The following ARHGAP22 variants were observed in gnomAD, a reference collection of about 807,000 sequenced individuals.
ARHGAP22 encodes rho GTPase-activating protein 22.
A neutral mutation model predicts 59.1 loss-of-function variants in ARHGAP22; 48 were observed. The observed-to-expected ratio is 0.81, with a 90% confidence interval of 0.64 to 1.03. The LOEUF (loss-of-function observed/expected upper bound fraction) is 1.03, where lower values mean the gene tolerates loss of function less well. ARHGAP22 is among the 50% of genes least tolerant of loss of function. ARHGAP22 has a pLI of 0.00. For synonymous variants in ARHGAP22, 445 were observed against 416.4 expected, an observed-to-expected ratio of 1.07 and a Z score of -0.84; for missense variants, 1,015 against 958.7, an observed-to-expected ratio of 1.06 and a Z score of -0.78.
intron 1 of ARHGAP22, among the ~76,000 whole-genome samples, chr10:48,585,315 A>G (rs577408209): frequency 6.6e-6 from 1 of 152,270 alleles, no homozygotes; most frequent in African/African-American, 2.4e-5. Flanking sequence ...TTTGATCACC[A>G]ATAAATGGTG....
intron 2 of ARHGAP22, among the ~76,000 whole-genome samples, chr10:48,571,569 GCCTCAGTTT>G (rs1003565936): frequency 2.8e-4 from 43 of 152,258 alleles, no homozygotes; most frequent in Admixed American, 2.4e-3. Flanking sequence ...ATCTCTTTGT[GCCTCAGTTT>G]CCTTATTGGG....
At chr10:48,540,602 G>A (rs1201394875) in intron 3 of ARHGAP22, among the ~76,000 whole-genome samples, 1 of 152,046 alleles carries the variant, frequency 6.6e-6, no homozygotes, top group Admixed American at 6.6e-5. Context: ...TATTTTTAGT[G>A]GGTAAAATCC....
chr10:48,468,216 C>A (rs1404265946), intron 4 of ARHGAP22, among the ~76,000 whole-genome samples: 2 of 152,156 alleles, frequency 1.3e-5, no homozygotes, highest in Non-Finnish European at 2.9e-5. Context: ...ATGTGGTTGG[C>A]TGAATAATGC....
At chr10:48,578,382 C>T (rs1244552405) in intron 2 of ARHGAP22, among the ~76,000 whole-genome samples, 1 of 152,080 alleles carries the variant, frequency 6.6e-6, no homozygotes, top group African/African-American at 2.4e-5. Context: ...TGTGCTTGTG[C>T]CTTTAAAAAC....
At chr10:48,475,504 C>T (rs2048630859) in intron 4 of ARHGAP22, among the ~76,000 whole-genome samples, 2 of 152,210 alleles carry the variant, frequency 1.3e-5, no homozygotes, top group African/African-American at 4.8e-5. Context: ...CAAATAGCTG[C>T]AGTTCCCGTA....
At chr10:48,496,343 TAACAACAGCAGCCTA>T (rs2050926101) in intron 3 of ARHGAP22, among the ~76,000 whole-genome samples, 1 of 152,102 alleles carries the variant, frequency 6.6e-6, no homozygotes. Flanking sequence ...TAACATTAAA[TAACAACAGCAGCCTA>T]CTATGCGCCA....
At chr10:48,503,611 T>C (rs2051766184) in intron 3 of ARHGAP22, among the ~76,000 whole-genome samples, 1 of 152,258 alleles carries the variant, frequency 6.6e-6, no homozygotes, top group Admixed American at 6.5e-5. Flanking sequence ...ATTATCCCGC[T>C]GTCCTTCCCT....
At chr10:48,502,046 C>T (rs1447746387) in intron 3 of ARHGAP22, among the ~76,000 whole-genome samples, 1 of 152,134 alleles carries the variant, frequency 6.6e-6, no homozygotes, top group Non-Finnish European at 1.5e-5. Context: ...GAGTCAGGAA[C>T]TTGTGTTTGG....
chr10:48,503,948 T>C (rs1197053092), intron 3 of ARHGAP22, among the ~76,000 whole-genome samples: 3 of 152,240 alleles, frequency 2.0e-5, no homozygotes, highest in African/African-American at 7.2e-5. Context: ...TTGAGAACGT[T>C]TTCCCCCAAC....
intron 4 of ARHGAP22, among the ~76,000 whole-genome samples, chr10:48,476,190 C>T (rs531258238): frequency 3.3e-4 from 50 of 152,308 alleles, no homozygotes; most frequent in African/African-American, 8.4e-4. Context: ...AGAACATTTG[C>T]GAGTCCATTG....
At chr10:48,524,536 G>T (rs1004495956) in intron 3 of ARHGAP22, among the ~76,000 whole-genome samples, 3 of 152,074 alleles carry the variant, frequency 2.0e-5, no homozygotes, top group Non-Finnish European at 4.4e-5. Flanking sequence ...GGCCACACCG[G>T]CCTGGCCTCC....
intron 3 of ARHGAP22, among the ~76,000 whole-genome samples, chr10:48,554,619 C>T (rs979420793): frequency 4.0e-5 from 6 of 149,222 alleles, no homozygotes; most frequent in Non-Finnish European, 8.9e-5. Flanking sequence ...TGAGGGTAGG[C>T]TAGAAATGTC....
chr10:48,556,288 A>ACTAACTCACG (rs1564875782), intron 2 of ARHGAP22, among the ~76,000 whole-genome samples: 2 of 152,054 alleles, frequency 1.3e-5, no homozygotes, highest in Non-Finnish European at 2.9e-5. Flanking sequence ...ACAATGGGAC[A>ACTAACTCACG]TGTCTCAGGA....
At chr10:48,564,217 A>G (rs2135420366) in intron 2 of ARHGAP22, among the ~76,000 whole-genome samples, 1 of 152,242 alleles carries the variant, frequency 6.6e-6, no homozygotes, top group East Asian at 1.9e-4. Flanking sequence ...GATGCATAAC[A>G]ATCCTCAATG....
At chr10:48,451,368 G>C (rs529659252) in intron 8 of ARHGAP22, 3 of 725,532 alleles carry the variant, frequency 4.1e-6, no homozygotes, top group Non-Finnish European at 7.4e-6. Flanking sequence ...GCACAGAGCC[G>C]CAAGCAGGGA....
intron 1 of ARHGAP22, among the ~76,000 whole-genome samples, chr10:48,619,451 G>A (rs761865375): frequency 6.6e-6 from 1 of 152,110 alleles, no homozygotes; most frequent in Non-Finnish European, 1.5e-5. Flanking sequence ...TAAACTCAAA[G>A]TGTTGGAAAC....
chr10:48,585,875 G>T (rs968566422), intron 1 of ARHGAP22, among the ~76,000 whole-genome samples: 1 of 152,182 alleles, frequency 6.6e-6, no homozygotes, highest in African/African-American at 2.4e-5. Flanking sequence ...AGGACAGTGG[G>T]TTTTTTCCAG....
chr10:48,507,798 T>A (rs1003296857), intron 3 of ARHGAP22, among the ~76,000 whole-genome samples: 2 of 151,800 alleles, frequency 1.3e-5, no homozygotes, highest in Non-Finnish European at 2.9e-5. Flanking sequence ...AAACCTCCCA[T>A]TTACTTTGTA....
At chr10:48,547,130 G>A (rs1362185125) in intron 3 of ARHGAP22, among the ~76,000 whole-genome samples, 2 of 152,180 alleles carry the variant, frequency 1.3e-5, no homozygotes, top group Non-Finnish European at 2.9e-5. Flanking sequence ...TGGAAAATGG[G>A]CACAAACAGG....
Sources: allele counts gnomAD v4.1 joint callset (sites outside exome capture counted in the v4.1 genomes callset), GRCh38; gene constraint gnomAD v4.1.1; transcripts MANE v1.5; gene names NCBI Gene and HGNC (gene_info 2026-07-23, HGNC 2026-07-21).